Variants in CDH18 observed in about 807,000 individuals in gnomAD.
The protein encoded by CDH18 is cadherin 18, also known as cadherin-18.
Under a neutral mutation model 67.9 loss-of-function variants are expected in CDH18, and 31 were observed. The observed-to-expected ratio is 0.46, with a 90% CI of 0.34 to 0.62. The LOEUF is 0.62. Ranked by LOEUF, CDH18 falls within the 20% of genes least tolerant of loss-of-function variation. The probability of loss-of-function intolerance (pLI) is 0.01; values close to 1 mark genes in which losing one functional copy is unlikely to be tolerated. For synonymous variants in CDH18, 362 were observed against 347.2 expected, an observed-to-expected ratio of 1.04 and a Z score of -0.48; for missense variants, 890 against 975.5, an observed-to-expected ratio of 0.91 and a Z score of 1.17.
chr5:19,558,888 T>C (rs914597650), intron 8 of CDH18, among the ~76,000 whole-genome samples: 14 of 151,612 alleles, frequency 9.2e-5, no homozygotes, highest in African/African-American at 3.4e-4. Context: ...GATGAACATA[T>C]ATGCATCAGA....
intron 2 of CDH18, among the ~76,000 whole-genome samples, chr5:19,916,185 G>A (rs1561552994): frequency 6.6e-6 from 1 of 152,018 alleles, no homozygotes; most frequent in Non-Finnish European, 1.5e-5. Context: ...AAACTATCAA[G>A]AGCCACACGT....
intron 8 of CDH18, among the ~76,000 whole-genome samples, chr5:19,559,598 T>TGGA (rs1317315640): frequency 1.3e-5 from 2 of 151,948 alleles, no homozygotes; most frequent in Non-Finnish European, 2.9e-5. Flanking sequence ...CCCTGAGAAT[T>TGGA]GGAACAAGTC....
intron 2 of CDH18, among the ~76,000 whole-genome samples, chr5:20,045,978 AC>A (rs1740858277): frequency 6.6e-6 from 1 of 152,030 alleles, no homozygotes; most frequent in African/African-American, 2.4e-5. Flanking sequence ...ACCCAAATGA[AC>A]TAAGACAACA....
At chr5:19,854,741 G>A (rs1784075949) in intron 2 of CDH18, among the ~76,000 whole-genome samples, 2 of 151,960 alleles carry the variant, frequency 1.3e-5, no homozygotes, top group African/African-American at 4.8e-5. Context: ...GGAGTGTATA[G>A]TAGGCTACTA....
At chr5:20,509,658 A>G (rs1754901178) in intron 1 of CDH18, among the ~76,000 whole-genome samples, 1 of 5,034 alleles carries the variant, frequency 2.0e-4, no homozygotes, top group Admixed American at 2.2e-3. Context: ...TGACCTTGTG[A>G]TCCGCCCGCC....
At chr5:20,278,999 C>A (rs1322908964) in intron 1 of CDH18, among the ~76,000 whole-genome samples, 1 of 151,890 alleles carries the variant, frequency 6.6e-6, no homozygotes, top group African/African-American at 2.4e-5. Context: ...AAAAAGAAGA[C>A]CACAAAACAA....
chr5:19,682,783 A>C (rs186369247), intron 5 of CDH18, among the ~76,000 whole-genome samples: 1 of 152,120 alleles, frequency 6.6e-6, no homozygotes, highest in Admixed American at 6.6e-5. Context: ...TGATACTATC[A>C]AATTCCTTTA....
chr5:20,308,566 A>G (rs1736696557), intron 1 of CDH18, among the ~76,000 whole-genome samples: 1 of 152,104 alleles, frequency 6.6e-6, no homozygotes, highest in Non-Finnish European at 1.5e-5. Context: ...TTCTGTGTGA[A>G]AACAAAAACA....
At chr5:19,975,748 T>C (rs1798438632) in intron 2 of CDH18, among the ~76,000 whole-genome samples, 1 of 152,194 alleles carries the variant, frequency 6.6e-6, no homozygotes, top group South Asian at 2.1e-4. Flanking sequence ...ATTTTAAATG[T>C]TTGGCATTTC....
intron 5 of CDH18, among the ~76,000 whole-genome samples, chr5:19,691,138 A>T (rs1162355186): frequency 1.3e-5 from 2 of 150,464 alleles, no homozygotes; most frequent in Non-Finnish European, 3.0e-5. Context: ...CAAATCAATA[A>T]ATATAATACA....
At chr5:19,562,401 C>T (rs554053582) in intron 8 of CDH18, among the ~76,000 whole-genome samples, 1 of 151,698 alleles carries the variant, frequency 6.6e-6, no homozygotes, top group African/African-American at 2.4e-5. Context: ...ATTTCTAATC[C>T]AACTCATCAT....
chr5:20,216,186 T>C (rs1580500127), intron 2 of CDH18, among the ~76,000 whole-genome samples: 1 of 151,914 alleles, frequency 6.6e-6, no homozygotes. Flanking sequence ...AAGATCATTA[T>C]ACCAGATATA....
intron 5 of CDH18, among the ~76,000 whole-genome samples, chr5:19,638,091 C>T (rs1033240676): frequency 2.0e-5 from 3 of 152,110 alleles, no homozygotes; most frequent in African/African-American, 4.8e-5. Flanking sequence ...GTTAACAAAA[C>T]CCAAATACCT....
chr5:19,876,616 A>G (rs1787035660), intron 2 of CDH18, among the ~76,000 whole-genome samples: 1 of 152,016 alleles, frequency 6.6e-6, no homozygotes, highest in Non-Finnish European at 1.5e-5. Flanking sequence ...GTGAGGTGGG[A>G]TTGCCTTTTA....
intron 2 of CDH18, among the ~76,000 whole-genome samples, chr5:20,163,988 T>G (rs540891408): frequency 4.3e-4 from 66 of 152,258 alleles, no homozygotes; most frequent in African/African-American, 1.6e-3. Flanking sequence ...GAATAAGAGA[T>G]TCACACATAT....
chr5:20,566,526 ATTTTT>A (rs33950954), intron 1 of CDH18, among the ~76,000 whole-genome samples: 8 of 97,376 alleles, frequency 8.2e-5, no homozygotes, highest in Admixed American at 2.5e-4. Flanking sequence ...TGCCCAGCTA[ATTTTT>A]TTTTTTTTTT....
At chr5:20,366,363 T>G (rs1256739901) in intron 1 of CDH18, among the ~76,000 whole-genome samples, 1 of 152,226 alleles carries the variant, frequency 6.6e-6, no homozygotes, top group East Asian at 1.9e-4. Flanking sequence ...CATTTTTTCC[T>G]GTTCCACTTT....
intron 2 of CDH18, among the ~76,000 whole-genome samples, chr5:19,972,428 T>C (rs1798117953): frequency 6.6e-6 from 1 of 152,036 alleles, no homozygotes; most frequent in Non-Finnish European, 1.5e-5. Context: ...GTAAAAGTTG[T>C]TTTCAAACAG....
intron 2 of CDH18, chr5:19,886,068 T>C (rs752713942): frequency 2.0e-5 from 3 of 152,140 alleles, no homozygotes; most frequent in Admixed American, 6.6e-5. Flanking sequence ...GGTTTCTTCT[T>C]AAAGCAAAAA....
Sources: allele counts gnomAD v4.1 joint callset (sites outside exome capture counted in the v4.1 genomes callset), GRCh38; gene constraint gnomAD v4.1.1; transcripts MANE v1.5; gene names NCBI Gene and HGNC (gene_info 2026-07-23, HGNC 2026-07-21).